The following RNF150 variants were observed in gnomAD, a reference collection of about 807,000 sequenced individuals.
The protein encoded by RNF150 is ring finger protein 150.
A neutral mutation model predicts 39.3 loss-of-function variants in RNF150; 24 were observed. The observed-to-expected ratio is 0.61, with a 90% CI of 0.44 to 0.86. RNF150 has a LOEUF of 0.86. RNF150 is among the 40% of genes least tolerant of loss of function. The pLI is 0.00. For synonymous variants in RNF150, 255 were observed against 227.3 expected, an observed-to-expected ratio of 1.12 and a Z score of -1.10; for missense variants, 502 against 587.8, an observed-to-expected ratio of 0.85 and a Z score of 1.51.
At chr4:141,202,904 T>C (rs1427982987) in intron 1 of RNF150, among the ~76,000 whole-genome samples, 1 of 151,728 alleles carries the variant, frequency 6.6e-6, no homozygotes, top group Non-Finnish European at 1.5e-5. Flanking sequence ...AAGAATAGAG[T>C]GGCAATAAAT....
rs1726913682 is a variant in RNF150 at position 141,132,268 on chromosome 4, C to T, written c.484+57G>A. On this transcript the variant is annotated intron_variant, in intron 1 of 6. Transcript: ENST00000515673. The surrounding 1 kb of genome is among the most constrained non-coding windows in gnomAD (Gnocchi z 4.9). ...GAGCCTGGAGGCAGGCGCTGGATCC[C>T]TCTAGGCACCTCCGTCCCCGCCGGC... 1.3e-6 allele frequency: 2 copies of T among 1,539,436 alleles called. No homozygotes were observed. The highest frequency in any genetic ancestry group is 1.4e-5 in the African/African-American group (1 of 72,926).
chr4:141,078,582 C>T (rs549596962), intron 1 of RNF150, among the ~76,000 whole-genome samples: 2 of 151,268 alleles, frequency 1.3e-5, no homozygotes, highest in South Asian at 2.1e-4. Flanking sequence ...AGGAGATAGA[C>T]CATCCTGGCC....
At chr4:141,000,097 AGAAGAAGAAGAGGAG>A (rs1734607971) in intron 1 of RNF150, among the ~76,000 whole-genome samples, 6 of 132,188 alleles carry the variant, frequency 4.5e-5, no homozygotes, top group African/African-American at 8.3e-5. Context: ...GAGAAGAAGA[AGAAGAAGAAGAGGAG>A]GAAGAAGAAG....
intron 1 of RNF150, among the ~76,000 whole-genome samples, chr4:140,996,621 T>G (rs193087592): frequency 4.5e-4 from 69 of 152,362 alleles, no homozygotes; most frequent in African/African-American, 1.6e-3. Context: ...ATGTGCTTTC[T>G]TATCCTGTTA....
At chr4:141,183,023 G>A (rs1018546873) in intron 1 of RNF150, among the ~76,000 whole-genome samples, 3 of 152,134 alleles carry the variant, frequency 2.0e-5, no homozygotes, top group Admixed American at 6.5e-5. Context: ...GCACTTAGAC[G>A]TGGGTCTTAA....
At chr4:141,173,034 GAAAAAAAA>G (rs113078427) in intron 1 of RNF150, among the ~76,000 whole-genome samples, 2 of 140,812 alleles carry the variant, frequency 1.4e-5, no homozygotes, top group African/African-American at 5.2e-5. Context: ...CTTAAAAAAA[GAAAAAAAA>G]AAAGAAAACT....
intron 1 of RNF150, among the ~76,000 whole-genome samples, chr4:141,175,668 A>C (rs147401109): frequency 7.9e-5 from 12 of 152,342 alleles, no homozygotes; most frequent in African/African-American, 2.9e-4. Context: ...AGAACATCGG[A>C]TCTATTACTG....
intron 1 of RNF150, among the ~76,000 whole-genome samples, chr4:141,164,636 G>T (rs1241147821): frequency 6.6e-6 from 1 of 152,192 alleles, no homozygotes; most frequent in Non-Finnish European, 1.5e-5. Flanking sequence ...CCAGAAGAGA[G>T]TGGGGGCCAA....
chr4:140,990,524 G>A (rs549321035), intron 1 of RNF150, among the ~76,000 whole-genome samples: 1 of 152,256 alleles, frequency 6.6e-6, no homozygotes, highest in African/African-American at 2.4e-5. Context: ...CCTAGTGTGT[G>A]TTGTTCCCCT....
intron 1 of RNF150, among the ~76,000 whole-genome samples, chr4:141,146,026 T>C (rs1727195167): frequency 6.6e-6 from 1 of 152,212 alleles, no homozygotes; most frequent in Non-Finnish European, 1.5e-5. Flanking sequence ...TTCTCATTGG[T>C]CCCTTTGCCT....
At chr4:141,154,566 C>A (rs1430318181) in intron 1 of RNF150, among the ~76,000 whole-genome samples, 1 of 152,164 alleles carries the variant, frequency 6.6e-6, no homozygotes, top group African/African-American at 2.4e-5. Context: ...AATTTCTCTG[C>A]CTTGGCTGAA....
At chr4:140,930,910 A>ACTGG (rs1731607320) in intron 4 of RNF150, among the ~76,000 whole-genome samples, 1 of 7,356 alleles carries the variant, frequency 1.4e-4, no homozygotes, top group African/African-American at 2.4e-4. Context: ...TGTTAACGAC[A>ACTGG]ATGGAAAGGT....
chr4:141,080,057 A>G (rs976974686), intron 1 of RNF150, among the ~76,000 whole-genome samples: 6 of 11,894 alleles, frequency 5.0e-4, no homozygotes, highest in Non-Finnish European at 1.7e-3. Flanking sequence ...GAAAAGTGGA[A>G]AAAAAAAATC....
intron 2 of RNF150, among the ~76,000 whole-genome samples, chr4:140,955,202 T>C (rs1732703641): frequency 2.6e-5 from 4 of 152,210 alleles, no homozygotes; most frequent in African/African-American, 9.6e-5. Context: ...ATTTCCATGG[T>C]GTGGATCACC....
intron 1 of RNF150, among the ~76,000 whole-genome samples, chr4:141,005,734 A>G (rs559293603): frequency 5.3e-5 from 8 of 152,354 alleles, no homozygotes; most frequent in Admixed American, 2.6e-4. Context: ...TATATCATGT[A>G]CTATGACAGA....
chr4:141,049,189 AGT>A (rs1398231676), intron 1 of RNF150, among the ~76,000 whole-genome samples: 1 of 152,200 alleles, frequency 6.6e-6, no homozygotes, highest in African/African-American at 2.4e-5. Flanking sequence ...AATTACACAT[AGT>A]TTACCAATAA....
At chr4:140,918,209 A>G (rs1227903373) in intron 5 of RNF150, among the ~76,000 whole-genome samples, 2 of 152,174 alleles carry the variant, frequency 1.3e-5, no homozygotes, top group Non-Finnish European at 2.9e-5. Context: ...AACTGAAGGA[A>G]ATAGAGACAC....
At chr4:141,111,011 G>A (rs1739368542) in intron 1 of RNF150, among the ~76,000 whole-genome samples, 1 of 152,080 alleles carries the variant, frequency 6.6e-6, no homozygotes, top group Admixed American at 6.6e-5. Flanking sequence ...CCATCTAGGA[G>A]GGGGTTATCT....
intron 1 of RNF150, among the ~76,000 whole-genome samples, chr4:141,059,874 T>G (rs1737142475): frequency 6.6e-6 from 1 of 152,122 alleles, no homozygotes; most frequent in East Asian, 1.9e-4. Context: ...TTGATTAAAA[T>G]TAAAATTCAC....
Sources: allele counts gnomAD v4.1 joint callset (sites outside exome capture counted in the v4.1 genomes callset), GRCh38; gene constraint gnomAD v4.1.1; non-coding constraint Gnocchi (gnomAD v3.1); transcripts MANE v1.5; gene names NCBI Gene and HGNC (gene_info 2026-07-23, HGNC 2026-07-21).